Variants in PCDHA11 observed in about 807,000 individuals in gnomAD.
PCDHA11 encodes protocadherin alpha-11.
Under a neutral mutation model 70.3 loss-of-function variants are expected in PCDHA11, and 61 were observed. The observed-to-expected ratio is 0.87, with a 90% CI of 0.71 to 1.07. The LOEUF (loss-of-function observed/expected upper bound fraction) is 1.07. PCDHA11 is among the 50% of genes least tolerant of loss of function. PCDHA11 has a pLI of 0.00. For missense variants in PCDHA11, 1,324 were observed against 1,237.5 expected (o/e 1.07, Z -1.05); for synonymous variants, 633 against 555.1 (o/e 1.14, Z -1.97).
At position 140,871,171 on chromosome 5, in the gene PCDHA11, G is replaced by GCTGC. The variant is rs782249857; in HGVS notation, c.2069_2072dup (p.Leu692CysfsTer38). 2 of 1,613,534 alleles carry GCTGC rather than the reference G, an allele frequency of 1.2e-6. No homozygotes were observed. Among genetic ancestry groups the GCTGC allele is most frequent in the Non-Finnish European group, 1.7e-6 (2 of 1,179,942 alleles). ...TTTGGCGGGCGCCGCGAGCCCAGAGGCTGCGCTGGTGGATGTCAACGTGTA... is the reference window on the plus strand; with the variant it reads ...TTTGGCGGGCGCCGCGAGCCCAGAGGCTGCCTGCGCTGGTGGATGTCAACGTGTA... On this transcript the variant is annotated frameshift_variant, in exon 1 of 4. Transcript: ENST00000398640. LOFTEE classifies it high-confidence loss of function.
intron 3 of PCDHA11, among the ~76,000 whole-genome samples, chr5:140,989,910 G>A (rs941838001): frequency 3.3e-5 from 5 of 152,062 alleles, no homozygotes; most frequent in African/African-American, 1.2e-4. Flanking sequence ...ATCAGAAAAA[G>A]AGGGAGAGCA....
chr5:140,923,078 G>A (rs1392146044), intron 1 of PCDHA11, among the ~76,000 whole-genome samples: 1 of 152,200 alleles, frequency 6.6e-6, no homozygotes, highest in African/African-American at 2.4e-5. Context: ...CCTCATGTCA[G>A]CACTTATTTG....
At chr5:140,892,537 CTT>C (rs570429050) in intron 1 of PCDHA11, among the ~76,000 whole-genome samples, 2 of 152,252 alleles carry the variant, frequency 1.3e-5, no homozygotes, top group South Asian at 4.1e-4. Flanking sequence ...AGGATTCTGA[CTT>C]TTGTTTCTCT....
At position 140,871,151 on chromosome 5, in the gene PCDHA11, C is replaced by A; in HGVS notation, c.2048C>A (p.Ala683Glu). 1 of 1,613,328 alleles carries A rather than the reference C, an allele frequency of 6.2e-7. No individual in the cohort carries two copies. The highest frequency in any genetic ancestry group is 8.5e-7 in the Non-Finnish European group (1 of 1,179,900). ...CCAAAGGCCTCTTCCCGGACTTTGG[C>A]GGGCGCCGCGAGCCCAGAGGCTGCG... ...QAPKASSRTLAGAASPEAALV... is the reference protein window; with the variant it reads ...QAPKASSRTLEGAASPEAALV... The change falls in exon 1 of 4, where the codon GCG becomes GAG. Residue 683 changes from alanine to glutamate, a missense_variant. Ala to Glu is a moderately radical substitution (Grantham distance 107). Coordinates refer to ENST00000398640, the MANE Select transcript of PCDHA11 (RefSeq NM_018902.5).
At chr5:140,954,135 T>C (rs1281133424) in intron 1 of PCDHA11, among the ~76,000 whole-genome samples, 1 of 152,220 alleles carries the variant, frequency 6.6e-6, no homozygotes, top group Non-Finnish European at 1.5e-5. Context: ...TATGGATGCA[T>C]AGTATTCCAT....
intron 1 of PCDHA11, among the ~76,000 whole-genome samples, chr5:140,950,426 AC>A (rs386419652): frequency 1.3e-5 from 2 of 151,870 alleles, no homozygotes; most frequent in Admixed American, 6.6e-5. Flanking sequence ...ATTTTCTTCC[AC>A]TTAAAAAAAA....
intron 1 of PCDHA11, among the ~76,000 whole-genome samples, chr5:140,880,546 T>C (rs919094204): frequency 7.9e-5 from 12 of 152,198 alleles, no homozygotes; most frequent in Non-Finnish European, 1.8e-4. Flanking sequence ...GAAAGTGAAC[T>C]GATGGAAATG....
At position 140,870,533 on chromosome 5, in the gene PCDHA11, C is replaced by T. The variant is rs1185177447; in HGVS notation, c.1430C>T (p.Ser477Leu). The T allele has an allele frequency of 1.2e-6, 2 of 1,614,050 alleles. No homozygotes were observed. The highest frequency in any genetic ancestry group is 2.2e-5 in the East Asian group (1 of 44,888). Residue 477 changes from serine to leucine, a missense_variant, in exon 1 of 4, where the codon TCG (serine) becomes TTG (leucine). By Grantham distance (145) the Ser-to-Leu change is moderately radical. Coordinates refer to ENST00000398640, the MANE Select transcript of PCDHA11 (RefSeq NM_018902.5). ...NPPGCHIFTV[S>L]ARDADAQENA... ...CCAGGCTGCCACATCTTCACAGTGT[C>T]GGCGCGGGACGCGGACGCGCAGGAG...
intron 1 of PCDHA11, among the ~76,000 whole-genome samples, chr5:140,945,880 A>G (rs1210743057): frequency 6.6e-6 from 1 of 152,136 alleles, no homozygotes; most frequent in Non-Finnish European, 1.5e-5. Flanking sequence ...TAAAACTAAC[A>G]AAGAAAACAC....
intron 1 of PCDHA11, among the ~76,000 whole-genome samples, chr5:140,951,356 C>T (rs1362153667): frequency 6.6e-6 from 1 of 151,998 alleles, no homozygotes; most frequent in African/African-American, 2.4e-5. Flanking sequence ...CATTATTGCA[C>T]TGTTATAAAG....
Position 141,011,476 on chromosome 5 carries a change from A to G in PCDHA11, c.*1539A>G, listed in dbSNP as rs2098420741. On this transcript the variant is annotated 3_prime_UTR_variant, in exon 4 of 4. Coordinates refer to ENST00000398640, the MANE Select transcript of PCDHA11 (RefSeq NM_018902.5). ...CTTTATTGTTGAATGTAATTCCATT[A>G]TATTTCCTTTTGTACACCTGTGAAA... 1 of 153,776 alleles carries G rather than the reference A, an allele frequency of 6.5e-6. No homozygotes were observed. 9.5% of individuals were successfully genotyped at this position (153,776 alleles called of 1,614,324 possible). A position where few individuals can be genotyped will look rare whatever the true frequency, so the allele number is the denominator to read the frequency against.
chr5:140,970,912 T>C (rs1035265875), intron 1 of PCDHA11, among the ~76,000 whole-genome samples: 3 of 152,212 alleles, frequency 2.0e-5, no homozygotes, highest in Non-Finnish European at 2.9e-5. Flanking sequence ...TTTATTCATT[T>C]ATCAGAAGTG....
chr5:140,906,816 G>A (rs574852506), intron 1 of PCDHA11, among the ~76,000 whole-genome samples: 6 of 152,360 alleles, frequency 3.9e-5, no homozygotes, highest in African/African-American at 1.4e-4. Context: ...TACCTCCACT[G>A]TGGAGTAGTA....
At chr5:140,927,381 A>G in intron 1 of PCDHA11, 2 of 1,614,102 alleles carry the variant, frequency 1.2e-6, no homozygotes, top group Non-Finnish European at 1.7e-6. Flanking sequence ...GCTACAGCCT[A>G]AGCCCCAGTC....
intron 1 of PCDHA11, among the ~76,000 whole-genome samples, chr5:140,970,255 A>G (rs155806): frequency 0.089 from 13,563 of 152,250 alleles, 783 homozygotes; most frequent in Middle Eastern, 0.22. Context: ...GACAGTTTCT[A>G]TGGTTTTGAT....
chr5:140,985,739 CTTTTTTT>C (rs11372071), intron 3 of PCDHA11, among the ~76,000 whole-genome samples: 2 of 117,922 alleles, frequency 1.7e-5, no homozygotes, highest in African/African-American at 6.4e-5. Flanking sequence ...TGATGAATTC[CTTTTTTT>C]TTTTTTTTTT....
chr5:140,875,151 A>G (rs1219163731), intron 1 of PCDHA11, among the ~76,000 whole-genome samples: 1 of 152,220 alleles, frequency 6.6e-6, no homozygotes, highest in Non-Finnish European at 1.5e-5. Flanking sequence ...ATGATCCGTG[A>G]AAAATAACCC....
intron 1 of PCDHA11, among the ~76,000 whole-genome samples, chr5:140,891,306 A>G (rs1452305510): frequency 6.6e-6 from 1 of 152,034 alleles, no homozygotes; most frequent in African/African-American, 2.4e-5. Flanking sequence ...ATTTGATTAC[A>G]TGAGTAAGTT....
Position 140,973,027 on chromosome 5 carries a change from T to C in PCDHA11, c.2392-5922T>C, listed in dbSNP as rs373487044. On this transcript the variant is annotated intron_variant, in intron 1 of 3. Coordinates refer to ENST00000398640, the MANE Select transcript of PCDHA11 (RefSeq NM_018902.5). ...TCGTGGTGTTGTGATTGTTAATGAG[T>C]CACTTTGAGTACTCTAGTAGATTTG... Among the ~76,000 whole-genome samples the C allele has an allele frequency of 2.6e-5, 4 of 152,042 alleles. No individual in the cohort carries two copies. The East Asian group carries it at 5.8e-4, about 22-fold the overall frequency.
Sources: allele counts gnomAD v4.1 joint callset (sites outside exome capture counted in the v4.1 genomes callset), GRCh38; gene constraint gnomAD v4.1.1; transcripts MANE v1.5; gene names NCBI Gene and HGNC (gene_info 2026-07-23, HGNC 2026-07-21).